Variants in SLC9C2 observed in about 807,000 individuals in gnomAD.
SLC9C2 encodes the protein sodium/hydrogen exchanger 11.
In SLC9C2, 75 loss-of-function variants were observed where a neutral mutation model predicts 140.2. The ratio of observed to expected loss-of-function variants is 0.53; its 90% CI spans 0.44 to 0.65. SLC9C2 has a LOEUF of 0.65. SLC9C2 is among the 30% of genes least tolerant of loss of function. The pLI, the probability that SLC9C2 is intolerant of heterozygous loss-of-function variation, is 0.00. For synonymous variants in SLC9C2, 375 were observed against 420.9 expected, an observed-to-expected ratio of 0.89 and a Z score of 1.34; for missense variants, 1,074 against 1,331.8, an observed-to-expected ratio of 0.81 and a Z score of 3.01.
At position 173,587,696 on chromosome 1, in the gene SLC9C2, A is replaced by G. The variant is rs1665936890; in HGVS notation, c.492T>C (p.Pro164=). Residue 164 remains proline (P), a synonymous_variant, in exon 5 of 28, where the codon CCT becomes CCC. Transcript: ENST00000367714. ...LFSITLGIID[P]LRSVNSLKTI... ...TTTTTAGTGAATTCACAGAACGAAG[A>G]GGATCTATAATGCCAAGGGTGATGC... 1.2e-6 allele frequency: 2 copies of G among 1,612,692 alleles called. No individual in the cohort carries two copies. The highest frequency in any genetic ancestry group is 1.7e-5 in the Admixed American group (1 of 59,918).
At chr1:173,572,733 G>C (rs1664916161) in intron 9 of SLC9C2, among the ~76,000 whole-genome samples, 1 of 152,224 alleles carries the variant, frequency 6.6e-6, no homozygotes. Context: ...CATTATCACA[G>C]CTATTGGTAC....
At chr1:173,568,500 T>C (rs1428170288) in intron 9 of SLC9C2, among the ~76,000 whole-genome samples, 5 of 152,212 alleles carry the variant, frequency 3.3e-5, no homozygotes, top group Non-Finnish European at 5.9e-5. Flanking sequence ...ATGGTGTATA[T>C]GTATTACATT....
intron 22 of SLC9C2, among the ~76,000 whole-genome samples, chr1:173,519,148 G>A (rs12080868): frequency 0.088 from 13,399 of 151,990 alleles, 1,980 homozygotes; most frequent in African/African-American, 0.3. Context: ...ATGAGCCCTC[G>A]CAAGTAGAAG....
chr1:173,588,890 T>C (rs1386565522), intron 4 of SLC9C2, among the ~76,000 whole-genome samples: 1 of 151,366 alleles, frequency 6.6e-6, no homozygotes, highest in East Asian at 2.0e-4. Context: ...CTGGGAAACA[T>C]AGTGAGACTC....
At chr1:173,578,307 T>C (rs1315953238) in intron 7 of SLC9C2, among the ~76,000 whole-genome samples, 2 of 152,232 alleles carry the variant, frequency 1.3e-5, no homozygotes, top group African/African-American at 4.8e-5. Context: ...AGCCAATTGA[T>C]GGTATGTTCA....
chr1:173,587,430 A>C (rs1375049453), intron 5 of SLC9C2, among the ~76,000 whole-genome samples: 1 of 152,162 alleles, frequency 6.6e-6, no homozygotes, highest in Non-Finnish European at 1.5e-5. Context: ...TCTTTGAAAA[A>C]AAATGAAAAA....
At chr1:173,562,164 T>C (rs1032331356) in intron 9 of SLC9C2, among the ~76,000 whole-genome samples, 2 of 152,186 alleles carry the variant, frequency 1.3e-5, no homozygotes, top group Non-Finnish European at 2.9e-5. Flanking sequence ...CCAATGACTA[T>C]TGAAAAACAT....
intron 16 of SLC9C2, 102 bp downstream of exon 16, chr1:173,534,382 C>T (rs1167000882): frequency 1.6e-6 from 2 of 1,227,194 alleles, no homozygotes; most frequent in Non-Finnish European, 2.2e-6. Context: ...ACTATCATAG[C>T]AAATGGCTCT....
intron 13 of SLC9C2, among the ~76,000 whole-genome samples, chr1:173,537,353 G>T (rs1299102858): frequency 6.6e-6 from 1 of 152,092 alleles, no homozygotes; most frequent in East Asian, 1.9e-4. Context: ...TTGAGTCCAG[G>T]AGTTCAAGAC....
intron 19 of SLC9C2, among the ~76,000 whole-genome samples, chr1:173,525,242 C>T (rs2101964059): frequency 6.6e-6 from 1 of 152,206 alleles, no homozygotes; most frequent in South Asian, 2.1e-4. Context: ...CTGTCTCATC[C>T]TCCATATTGT....
intron 6 of SLC9C2, 51 bp downstream of exon 6, chr1:173,583,455 A>T: frequency 9.3e-7 from 1 of 1,079,048 alleles, no homozygotes; most frequent in Non-Finnish European, 1.4e-6. Flanking sequence ...AATGTATTTT[A>T]ATTTTAATGA....
chr1:173,573,307 T>C lies in SLC9C2; in HGVS notation c.921A>G (p.Ser307=). 3 of 1,530,582 alleles carry C rather than the reference T, an allele frequency of 2.0e-6. No individual in the cohort carries two copies. The highest frequency in any genetic ancestry group is 2.7e-6 in the Non-Finnish European group (3 of 1,124,822). The allele number at this position is 1,530,582 out of a possible 1,614,324, so 94.8% of individuals were successfully genotyped here. The change falls in exon 9 of 28, where the codon TCA becomes TCG. Residue 307 remains serine (S), a synonymous_variant. Coordinates refer to ENST00000367714, the MANE Select transcript of SLC9C2 (RefSeq NM_178527.4). ...CATATATTAAATGTTCATATACAGA[T>C]GAAAAAATTCTTAAGAACCTAGGAT... ...LVITKFLRIF[S]SVYEHLIYAF...
chr1:173,601,205 A>G (rs1041269447), intron 2 of SLC9C2, among the ~76,000 whole-genome samples: 1 of 152,220 alleles, frequency 6.6e-6, no homozygotes, highest in African/African-American at 2.4e-5. Flanking sequence ...CATGAATTGT[A>G]TGCCTGGGCT....
intron 15 of SLC9C2, among the ~76,000 whole-genome samples, chr1:173,535,226 C>CAA (rs1661857406): frequency 6.6e-6 from 1 of 152,072 alleles, no homozygotes; most frequent in African/African-American, 2.4e-5. Flanking sequence ...TTAATGACCT[C>CAA]TTAAAATTTA....
At position 173,534,678 on chromosome 1, in the gene SLC9C2, T is replaced by C; in HGVS notation, c.1780A>G (p.Asn594Asp). 1 of 1,495,614 alleles carries C rather than the reference T, an allele frequency of 6.7e-7. No individual in the cohort carries two copies. The highest frequency in any genetic ancestry group is 9.0e-7 in the Non-Finnish European group (1 of 1,115,070). The allele number at this position is 1,495,614 out of a possible 1,614,324, so 92.6% of individuals were successfully genotyped here. ...EKIHFIPPESNTFLTFIFHIV... is the reference protein window; with the variant it reads ...EKIHFIPPESDTFLTFIFHIV... ...TGAAATATAAAAGTCAGAAATGTAT[T>C]ACTCCTGAAAAGAGATCAAATAAAA... The change falls in exon 16 of 28, where the codon AAT (asparagine) becomes GAT (aspartate). Residue 594 changes from asparagine (N) to aspartate (D), a missense_variant. Coordinates refer to ENST00000367714, the MANE Select transcript of SLC9C2 (RefSeq NM_178527.4).
intron 14 of SLC9C2, among the ~76,000 whole-genome samples, chr1:173,536,349 C>A (rs1158052263): frequency 6.6e-6 from 1 of 152,214 alleles, no homozygotes; most frequent in Admixed American, 6.5e-5. Context: ...ATCTATCACC[C>A]AGCCAGGATC....
intron 21 of SLC9C2, 95 bp downstream of exon 21, chr1:173,523,874 T>C (rs1044501567): frequency 3.4e-6 from 5 of 1,488,652 alleles, no homozygotes; most frequent in Non-Finnish European, 4.5e-6. Flanking sequence ...TTGGCCAGTA[T>C]GTGATATGCT....
intron 11 of SLC9C2, among the ~76,000 whole-genome samples, chr1:173,553,120 G>C (rs1279390137): frequency 3.3e-5 from 5 of 152,122 alleles, no homozygotes; most frequent in Non-Finnish European, 5.9e-5. Context: ...AAATAGCAAG[G>C]GAACTAGAAT....
At chr1:173,554,848 A>T (rs965690647) in intron 10 of SLC9C2, 34 bp from the exon 11 acceptor site, 1 of 1,244,848 alleles carries the variant, frequency 8.0e-7, no homozygotes, top group Admixed American at 1.9e-5. Context: ...TTAGAACCAA[A>T]ACATTAAATA....
Sources: gnomAD v4.1 joint callset for allele counts (sites outside exome capture counted in the v4.1 genomes callset) on GRCh38, gnomAD v4.1.1 for gene constraint, MANE v1.5 for transcripts, NCBI Gene and HGNC (gene_info 2026-07-23, HGNC 2026-07-21) for gene names.